KCMF1: variants seen among roughly 807,000 people sequenced by gnomAD.
The protein encoded by KCMF1 is E3 ubiquitin-protein ligase KCMF1.
KCMF1 carries 3 observed loss-of-function variants against 41.1 expected under a neutral mutation model. The ratio of observed to expected loss-of-function variants is 0.07; its 90% CI spans 0.03 to 0.19. The LOEUF (loss-of-function observed/expected upper bound fraction) is 0.19. Among genes scored for constraint, KCMF1 ranks in the 10% least tolerant of loss-of-function variants. KCMF1 has a pLI of 1.00. For synonymous variants in KCMF1, 142 were observed against 164.5 expected (o/e 0.86, Z 1.04); for missense variants, 286 against 488.9 (o/e 0.58, Z 3.91).
chr2:85,024,300 C>T (rs997180458), intron 1 of KCMF1, among the ~76,000 whole-genome samples: 1 of 152,118 alleles, frequency 6.6e-6, no homozygotes, highest in Non-Finnish European at 1.5e-5. Flanking sequence ...TGGTGAAACC[C>T]CGTCTCTACT....
Position 84,994,884 on chromosome 2 carries a change from A to G in KCMF1, c.16+23417A>G, listed in dbSNP as rs566913364. Among the ~76,000 whole-genome samples the G allele has an allele frequency of 3.3e-5, 5 of 152,304 alleles. No individual in the cohort carries two copies. The East Asian group carries it at 7.7e-4, about 23-fold the overall frequency. On this transcript the variant is annotated intron_variant, in intron 1 of 6. Coordinates refer to ENST00000409785, the MANE Select transcript of KCMF1 (RefSeq NM_020122.5). ...TCTTGAAAATACTGTTTATTTGTTG[A>G]AAAAACTGGATCATTCCTTTGATAG...
intron 1 of KCMF1, among the ~76,000 whole-genome samples, chr2:84,977,292 A>T (rs1343075308): frequency 3.3e-5 from 5 of 152,178 alleles, no homozygotes; most frequent in Non-Finnish European, 7.3e-5. Context: ...TTAGCATGTG[A>T]TTTTAATGCA....
intron 1 of KCMF1, among the ~76,000 whole-genome samples, chr2:85,011,190 G>A (rs1674644427): frequency 6.6e-6 from 1 of 152,096 alleles, no homozygotes; most frequent in Non-Finnish European, 1.5e-5. Flanking sequence ...TCCCAGGTTT[G>A]GCTGGTGAAA....
At chr2:85,015,851 A>G (rs1418605028) in intron 1 of KCMF1, among the ~76,000 whole-genome samples, 1 of 152,248 alleles carries the variant, frequency 6.6e-6, no homozygotes, top group Non-Finnish European at 1.5e-5. Context: ...GGAACTTGCT[A>G]TTAAACCACT....
At chr2:85,017,527 G>A (rs1674808274) in intron 1 of KCMF1, among the ~76,000 whole-genome samples, 1 of 152,004 alleles carries the variant, frequency 6.6e-6, no homozygotes, top group Non-Finnish European at 1.5e-5. Context: ...ATAATACACA[G>A]ACATTTCACA....
At chr2:84,972,705 C>T (rs1306328436) in intron 1 of KCMF1, among the ~76,000 whole-genome samples, 1 of 152,210 alleles carries the variant, frequency 6.6e-6, no homozygotes, top group African/African-American at 2.4e-5. Context: ...GGCTGAAAAA[C>T]TCAGATTGAT....
intron 4 of KCMF1, 35 bp from the exon 5 acceptor site, chr2:85,046,068 GA>G: frequency 6.4e-7 from 1 of 1,556,812 alleles, no homozygotes; most frequent in South Asian, 1.2e-5. Context: ...TTCTTTCTGT[GA>G]AATACTTTCG....
Position 85,027,890 on chromosome 2 carries a change from T to C in KCMF1, c.18T>C (p.Gly6=). Reference sequence around the variant, plus strand: ...TAAAGATATTTCTTTTTTTTATAGGTGTCAGCTGTGATGCATGTTTAAAAG... The same window carrying C: ...TAAAGATATTTCTTTTTTTTATAGGCGTCAGCTGTGATGCATGTTTAAAAG... MSRHE[G]VSCDACLKGN... is the part of the protein sequence containing the mutation. Residue 6 remains glycine, a splice_region_variant and synonymous_variant, in exon 2 of 7, where the codon GGT becomes GGC. Transcript: ENST00000409785. The C allele has an allele frequency of 1.3e-6, 2 of 1,595,628 alleles. No homozygotes were observed. Among genetic ancestry groups the C allele is most frequent in the Non-Finnish European group, 1.7e-6 (2 of 1,170,954 alleles).
intron 1 of KCMF1, among the ~76,000 whole-genome samples, chr2:85,012,651 A>G (rs1163212787): frequency 6.6e-6 from 1 of 152,194 alleles, no homozygotes. Flanking sequence ...CATGTCTAAA[A>G]TCAGACTCAC....
chr2:85,007,624 C>G (rs1250742914), intron 1 of KCMF1, among the ~76,000 whole-genome samples: 1 of 152,224 alleles, frequency 6.6e-6, no homozygotes, highest in African/African-American at 2.4e-5. Flanking sequence ...TTCGACATCA[C>G]TTGGGCAGGA....
At chr2:84,976,818 A>G (rs190037477) in intron 1 of KCMF1, among the ~76,000 whole-genome samples, 47 of 152,230 alleles carry the variant, frequency 3.1e-4, no homozygotes, top group African/African-American at 1.1e-3. Context: ...AATGTAAAAT[A>G]CAAGACTACG....
At chr2:85,039,453 G>T (rs1174266323) in intron 3 of KCMF1, among the ~76,000 whole-genome samples, 1 of 152,120 alleles carries the variant, frequency 6.6e-6, no homozygotes, top group Admixed American at 6.6e-5. Context: ...AATCAGGCAT[G>T]CTGACTTTAG....
chr2:85,015,671 A>G (rs924087712), intron 1 of KCMF1, among the ~76,000 whole-genome samples: 2 of 152,210 alleles, frequency 1.3e-5, no homozygotes, highest in African/African-American at 4.8e-5. Flanking sequence ...AACTCTTTAA[A>G]TACAATATTT....
intron 2 of KCMF1, among the ~76,000 whole-genome samples, chr2:85,033,186 T>G (rs1446046892): frequency 6.6e-6 from 1 of 152,230 alleles, no homozygotes; most frequent in Non-Finnish European, 1.5e-5. Context: ...TTATGATCAT[T>G]TAAATCTCCC....
chr2:85,010,436 T>G (rs757021861), intron 1 of KCMF1, among the ~76,000 whole-genome samples: 4 of 152,176 alleles, frequency 2.6e-5, no homozygotes, highest in South Asian at 4.1e-4. Flanking sequence ...CTCACTGTAC[T>G]CCAGCCTGGG....
At chr2:85,044,324 G>A (rs952678949) in intron 4 of KCMF1, among the ~76,000 whole-genome samples, 6 of 151,902 alleles carry the variant, frequency 3.9e-5, no homozygotes, top group Non-Finnish European at 7.4e-5. Context: ...TCCTGAGTAG[G>A]ATAGCATAAG....
chr2:85,037,789 C>T (rs1432407677), intron 3 of KCMF1, among the ~76,000 whole-genome samples: 1 of 152,198 alleles, frequency 6.6e-6, no homozygotes, highest in Non-Finnish European at 1.5e-5. Flanking sequence ...CCCTGGGCCA[C>T]GGACGGGACC....
intron 1 of KCMF1, among the ~76,000 whole-genome samples, chr2:84,980,165 A>G (rs1673669851): frequency 6.6e-6 from 1 of 152,074 alleles, no homozygotes; most frequent in Non-Finnish European, 1.5e-5. Context: ...GTCTTGATTT[A>G]TGTTAAAGAT....
At chr2:84,975,311 C>G (rs530529788) in intron 1 of KCMF1, among the ~76,000 whole-genome samples, 1 of 152,134 alleles carries the variant, frequency 6.6e-6, no homozygotes, top group Non-Finnish European at 1.5e-5. Flanking sequence ...CTGCCCTAGA[C>G]TGGCGCTTTA....
Sources: allele counts gnomAD v4.1 joint callset (sites outside exome capture counted in the v4.1 genomes callset), GRCh38; gene constraint gnomAD v4.1.1; transcripts MANE v1.5; gene names NCBI Gene and HGNC (gene_info 2026-07-23, HGNC 2026-07-21).